CHSY3: variants seen among roughly 807,000 people sequenced by gnomAD.
CHSY3 encodes chondroitin sulfate synthase 3.
In CHSY3, 35 loss-of-function variants were observed where a neutral mutation model predicts 67.2. That is an observed-to-expected ratio of 0.52 (90% confidence interval 0.40 to 0.69). The LOEUF (loss-of-function observed/expected upper bound fraction) is 0.69. Among genes scored for constraint, CHSY3 ranks in the 30% least tolerant of loss-of-function variants. The pLI is 0.00. For synonymous variants in CHSY3, 474 were observed against 434.7 expected (o/e 1.09, Z -1.12); for missense variants, 1,069 against 1,138.5 (o/e 0.94, Z 0.88).
In CHSY3 at chr5:130,063,369, T is replaced by A. The variant is rs187401890; in HGVS notation, c.1087-120860T>A. On this transcript the variant is annotated intron_variant, in intron 2 of 2. Transcript: ENST00000305031. ...CTGATTGTCATAAAGGTTCACAAAATTGGATGCATTTCAGTAGTGAAACTG... is the reference window on the plus strand; with the variant it reads ...CTGATTGTCATAAAGGTTCACAAAAATGGATGCATTTCAGTAGTGAAACTG... Among the ~76,000 whole-genome samples, 424 of 152,260 alleles carry A rather than the reference T, an allele frequency of 2.8e-3. 2 individuals are homozygous for A. The highest frequency in any genetic ancestry group is 9.7e-3 in the African/African-American group (405 of 41,550).
chr5:130,130,700 A>C (rs1390128482), intron 2 of CHSY3, among the ~76,000 whole-genome samples: 1 of 152,124 alleles, frequency 6.6e-6, no homozygotes, highest in African/African-American at 2.4e-5. Context: ...CAGTCATCAT[A>C]ATTCTGTTCC....
chr5:130,186,614 A>G lies in CHSY3; in HGVS notation c.*823A>G, dbSNP rs1397049016. 6.5e-6 allele frequency: 1 copy of G among 152,796 alleles called. No individual in the cohort carries two copies. The highest frequency in any genetic ancestry group is 1.5e-5 in the Non-Finnish European group (1 of 68,018). 9.5% of individuals were successfully genotyped at this position (152,796 alleles called of 1,614,324 possible). On this transcript the variant is annotated 3_prime_UTR_variant, in exon 3 of 3. Coordinates refer to ENST00000305031, the MANE Select transcript of CHSY3 (RefSeq NM_175856.5). ...TAAAATAAAACACAGGTATAGCAGT[A>G]TTCTTTTTCAAAAACACTGACAAGG...
At chr5:130,123,986 G>T (rs1768156428) in intron 2 of CHSY3, among the ~76,000 whole-genome samples, 1 of 135,854 alleles carries the variant, frequency 7.4e-6, no homozygotes, top group African/African-American at 2.9e-5. Flanking sequence ...CTTGCAGTGA[G>T]CCGAGATCTC....
chr5:129,905,355 G>T lies in CHSY3; in HGVS notation c.526G>T (p.Gly176Trp). 6.4e-7 allele frequency: 1 copy of T among 1,571,246 alleles called. No homozygotes were observed. Residue 176 changes from glycine (G) to tryptophan (W), a missense_variant, in exon 1 of 3, where the codon GGG becomes TGG. Physicochemically the swap from Gly to Trp is radical, Grantham distance 184 (BLOSUM62 -2). This residue lies in a region of CHSY3 where 309 missense variants were observed against 262.5 expected (regional missense o/e 1.18). Coordinates refer to ENST00000305031, the MANE Select transcript of CHSY3 (RefSeq NM_175856.5). ...SARPRDFLYV[G>W]VMTAQKYLGS... ...CCGACCCCGGGACTTCCTGTACGTG[G>T]GGGTGATGACCGCGCAGAAGTACCT...
chr5:129,905,062 C>T lies in CHSY3; in HGVS notation c.233C>T (p.Pro78Leu), dbSNP rs1346767456. 1.3e-6 allele frequency: 2 copies of T among 1,546,854 alleles called. No homozygotes were observed. Among genetic ancestry groups the T allele is most frequent in the Non-Finnish European group, 1.7e-6 (2 of 1,152,714 alleles). Reference sequence around the variant, plus strand: ...CCACGGCAGGAGCAGTCGCCGCCCCCCGCGCGCCAGGATCTCCAGGGGCCA... The same window carrying T: ...CCACGGCAGGAGCAGTCGCCGCCCCTCGCGCGCCAGGATCTCCAGGGGCCA... Reference protein sequence around the residue: ...SRPRQEQSPPPARQDLQGPPL... With the variant: ...SRPRQEQSPPLARQDLQGPPL... The change falls in exon 1 of 3, where the codon CCC becomes CTC. Residue 78 changes from proline (P) to leucine (L), a missense_variant. Pro to Leu is a moderately conservative substitution (Grantham distance 98). Around this residue, in one of 5 missense-constraint regions of CHSY3, gnomAD observed 309 missense variants for 262.5 expected, o/e 1.18. Transcript: ENST00000305031.
chr5:129,911,239 ATTC>A (rs1217032736), intron 2 of CHSY3, among the ~76,000 whole-genome samples: 4 of 152,038 alleles, frequency 2.6e-5, no homozygotes, highest in African/African-American at 9.7e-5. Flanking sequence ...AGCTTCTAGT[ATTC>A]TTCTTAACTG....
At chr5:130,021,927 G>A (rs1056472266) in intron 2 of CHSY3, among the ~76,000 whole-genome samples, 2 of 151,960 alleles carry the variant, frequency 1.3e-5, no homozygotes, top group African/African-American at 4.8e-5. Context: ...GTAATTATGT[G>A]CCATCTATTG....
intron 2 of CHSY3, among the ~76,000 whole-genome samples, chr5:130,050,129 T>A (rs1765289264): frequency 1.3e-5 from 2 of 152,122 alleles, no homozygotes; most frequent in African/African-American, 2.4e-5. Flanking sequence ...TGTTTACTAC[T>A]CCACATAGGT....
intron 2 of CHSY3, among the ~76,000 whole-genome samples, chr5:130,045,392 G>C (rs977193060): frequency 1.3e-5 from 2 of 152,040 alleles, no homozygotes; most frequent in Non-Finnish European, 2.9e-5. Context: ...AGTGATCATA[G>C]ACATGGGCTT....
At chr5:129,961,691 C>T (rs1762329526) in intron 2 of CHSY3, among the ~76,000 whole-genome samples, 2 of 151,932 alleles carry the variant, frequency 1.3e-5, no homozygotes, top group South Asian at 4.1e-4. Context: ...CCATTAGCCT[C>T]TTTCTTCCTT....
chr5:130,063,236 G>A (rs957974024), intron 2 of CHSY3, among the ~76,000 whole-genome samples: 3 of 152,050 alleles, frequency 2.0e-5, no homozygotes, highest in Admixed American at 1.3e-4. Context: ...GATTTTGGGG[G>A]TGGGGAGAGT....
intron 2 of CHSY3, among the ~76,000 whole-genome samples, chr5:130,034,696 T>C (rs1764798176): frequency 6.6e-6 from 1 of 152,084 alleles, no homozygotes. Flanking sequence ...ATGTGCTCTG[T>C]TGAAAAAATA....
chr5:130,127,695 A>G (rs1332813435), intron 2 of CHSY3, among the ~76,000 whole-genome samples: 2 of 152,220 alleles, frequency 1.3e-5, no homozygotes, highest in East Asian at 3.8e-4. Context: ...GGTCAATCAG[A>G]AATTCCTGAT....
chr5:130,184,149 G>A (rs1770335323), intron 2 of CHSY3, 80 bp from the exon 3 acceptor site: 1 of 1,275,216 alleles, frequency 7.8e-7, no homozygotes, highest in Non-Finnish European at 1.0e-6. Context: ...TTTTCATTTA[G>A]ATGCTTTAGT....
At chr5:129,994,798 C>CA (rs1459102814) in intron 2 of CHSY3, among the ~76,000 whole-genome samples, 28 of 140,846 alleles carry the variant, frequency 2.0e-4, no homozygotes, top group African/African-American at 7.1e-4. Flanking sequence ...ATCGCAAGGA[C>CA]AAAAAACCAA....
chr5:129,975,906 T>A (rs1398072438), intron 2 of CHSY3, among the ~76,000 whole-genome samples: 1 of 152,150 alleles, frequency 6.6e-6, no homozygotes, highest in Non-Finnish European at 1.5e-5. Flanking sequence ...ATCATTTTTC[T>A]CTTTATATGG....
intron 2 of CHSY3, among the ~76,000 whole-genome samples, chr5:130,023,349 A>G (rs1289891057): frequency 1.3e-5 from 2 of 152,066 alleles, no homozygotes; most frequent in African/African-American, 2.4e-5. Context: ...TTACATAAGG[A>G]AGAAGGGACC....
chr5:130,108,566 T>C (rs1580740389), intron 2 of CHSY3, among the ~76,000 whole-genome samples: 1 of 151,778 alleles, frequency 6.6e-6, no homozygotes, highest in East Asian at 1.9e-4. Context: ...TGGATTGTAA[T>C]GCTTTGTCAA....
At chr5:130,178,255 T>A (rs866160121) in intron 2 of CHSY3, among the ~76,000 whole-genome samples, 532 of 35,964 alleles carry the variant, frequency 0.015, no homozygotes, top group Non-Finnish European at 0.021. Flanking sequence ...ATATATATAT[T>A]TTTTTTTTTT....
Sources: gnomAD v4.1 joint callset for allele counts (sites outside exome capture counted in the v4.1 genomes callset) on GRCh38, gnomAD v4.1.1 for gene constraint, gnomAD v4.1.1 regional missense constraint, MANE v1.5 for transcripts, NCBI Gene and HGNC (gene_info 2026-07-23, HGNC 2026-07-21) for gene names.